Variants in LPAR1 observed in about 807,000 individuals in gnomAD.
The protein encoded by LPAR1 is lysophosphatidic acid receptor 1, also known as LPA receptor 1.
In LPAR1, 5 loss-of-function variants were observed where a neutral mutation model predicts 23.8. That is an observed-to-expected ratio of 0.21 (90% confidence interval 0.11 to 0.44). The LOEUF (loss-of-function observed/expected upper bound fraction) is 0.44. Ranked by LOEUF, LPAR1 falls within the 20% of genes least tolerant of loss-of-function variation. The pLI is 0.99. For missense variants in LPAR1, 311 were observed against 482.8 expected, an observed-to-expected ratio of 0.64 and a Z score of 3.33; for synonymous variants, 160 against 164.7, an observed-to-expected ratio of 0.97 and a Z score of 0.22.
Position 110,875,103 on chromosome 9 carries a change from C to A in LPAR1, c.*318G>T. On this transcript the variant is annotated 3_prime_UTR_variant, in exon 6 of 6. Transcript: ENST00000683809. Reference sequence around the variant, plus strand: ...GAATTTATTCTGACTTGCACCAAACCACACAAAATCTTTTAAAAGTCTAGT... The same window carrying A: ...GAATTTATTCTGACTTGCACCAAACAACACAAAATCTTTTAAAAGTCTAGT... 1 of 204,104 alleles carries A rather than the reference C, an allele frequency of 4.9e-6. No homozygotes were observed. The highest frequency in any genetic ancestry group is 9.7e-6 in the Non-Finnish European group (1 of 102,760). The allele number at this position is 204,104 out of a possible 1,614,324, so 12.6% of individuals were successfully genotyped here.
intron 2 of LPAR1, among the ~76,000 whole-genome samples, chr9:110,981,550 A>T (rs985649661): frequency 6.6e-6 from 1 of 151,790 alleles, no homozygotes; most frequent in African/African-American, 2.4e-5. Context: ...TACATTTTTA[A>T]ATTATAAACA....
At chr9:110,982,672 A>C (rs2096696112) in intron 2 of LPAR1, among the ~76,000 whole-genome samples, 2 of 151,992 alleles carry the variant, frequency 1.3e-5, no homozygotes, top group African/African-American at 4.8e-5. Flanking sequence ...TATGGATATA[A>C]ATCGCAGGAC....
intron 2 of LPAR1, among the ~76,000 whole-genome samples, chr9:110,982,531 C>T (rs1051285466): frequency 6.6e-6 from 1 of 151,680 alleles, no homozygotes; most frequent in Non-Finnish European, 1.5e-5. Context: ...ATGTAAATGA[C>T]GAGTTGATGG....
chr9:111,024,559 C>T (rs1395138698), intron 2 of LPAR1, among the ~76,000 whole-genome samples: 3 of 35,108 alleles, frequency 8.5e-5, no homozygotes, highest in Non-Finnish European at 2.1e-4. Flanking sequence ...TATATACACA[C>T]ACATATATAT....
At chr9:110,948,919 A>C (rs2095480870) in intron 4 of LPAR1, among the ~76,000 whole-genome samples, 1 of 135,630 alleles carries the variant, frequency 7.4e-6, no homozygotes, top group Non-Finnish European at 1.6e-5. Context: ...TCAAGAAAAA[A>C]AAAAAAAAAG....
intron 5 of LPAR1, among the ~76,000 whole-genome samples, chr9:110,914,248 G>A (rs150757458): frequency 2.0e-5 from 3 of 152,292 alleles, no homozygotes; most frequent in African/African-American, 7.2e-5. Context: ...TGCTAATAAA[G>A]ACATACCTGA....
chr9:110,942,083 T>G lies in LPAR1; in HGVS notation c.131A>C (p.Glu44Ala), dbSNP rs1461603368. 3 of 1,614,018 alleles carry G rather than the reference T, an allele frequency of 1.9e-6. No homozygotes were observed. In the African/African-American group the frequency reaches 4.0e-5, roughly 22 times the overall value. ...CACCAGCTTGCTGACTGTGTTCCAT[T>G]CTGTGGCAAGATGCTTTCCACTTCG... ...YNRSGKHLAT[E>A]WNTVSKLVMG... The change falls in exon 5 of 6, where the codon GAA becomes GCA. Residue 44 changes from glutamate (E) to alanine (A), a missense_variant. This residue lies in a region of LPAR1 where 61 missense variants were observed against 55.6 expected (regional missense o/e 1.10). Transcript: ENST00000683809.
chr9:110,941,916 A>T lies in LPAR1; in HGVS notation c.298T>A (p.Leu100Met). The stretch of plus-strand genomic sequence containing the variant: ...TTGAACATGAGATAGAAGTAGGCCA[A>T]CCCAGCAAAGAAGTCTGCAGCAGCC... Reference protein sequence around the residue: ...NLAAADFFAGLAYFYLMFNTG... With the variant: ...NLAAADFFAGMAYFYLMFNTG... Residue 100 changes from leucine (L) to methionine (M), a missense_variant, in exon 5 of 6, where the codon TTG (leucine) becomes ATG (methionine). Coordinates refer to ENST00000683809, the MANE Select transcript of LPAR1 (RefSeq NM_001351411.2). The surrounding 1 kb of genome is among the most constrained non-coding windows in gnomAD (Gnocchi z 6.1). 1 of 1,614,194 alleles carries T rather than the reference A, an allele frequency of 6.2e-7. No individual in the cohort carries two copies. The highest frequency in any genetic ancestry group is 8.5e-7 in the Non-Finnish European group (1 of 1,180,022).
intron 4 of LPAR1, among the ~76,000 whole-genome samples, chr9:110,968,239 G>T (rs1380076421): frequency 6.6e-6 from 1 of 152,116 alleles, no homozygotes; most frequent in Admixed American, 6.6e-5. Context: ...GCCGATTTCT[G>T]CAGTATAACT....
intron 5 of LPAR1, among the ~76,000 whole-genome samples, chr9:110,923,111 G>C (rs1303225746): frequency 6.6e-6 from 1 of 152,000 alleles, no homozygotes; most frequent in Non-Finnish European, 1.5e-5. Context: ...AGCATCATGG[G>C]TCCTGACCCT....
rs749821454 is a variant in LPAR1 at position 110,984,771 on chromosome 9, C to CA, written c.-181-11214dup. 4.6e-3 allele frequency among the ~76,000 whole-genome samples: 422 copies of CA among 92,134 alleles called. 9 individuals carry two copies. In the East Asian group the frequency reaches 0.068, roughly 15 times the overall value. 60.4% of individuals were successfully genotyped at this position (92,134 alleles called of 152,430 possible). A position where few individuals can be genotyped will look rare whatever the true frequency, so the allele number is the denominator to read the frequency against. On this transcript the variant is annotated intron_variant, in intron 2 of 5. Coordinates refer to ENST00000683809, the MANE Select transcript of LPAR1 (RefSeq NM_001351411.2). The stretch of plus-strand genomic sequence containing the variant: ...AGAATACCTGTGATAGTAACGGTGA[C>CA]AAAAAAAAAAGAATGCAGTTTTAAC...
chr9:110,983,502 T>C (rs2096716577), intron 2 of LPAR1, among the ~76,000 whole-genome samples: 1 of 151,914 alleles, frequency 6.6e-6, no homozygotes, highest in African/African-American at 2.4e-5. Flanking sequence ...GGGAGAGGGA[T>C]GAATGAGAAA....
rs577118091 is a variant in LPAR1, at chr9:111,007,901, C to T, written c.-182+28221G>A. Among the ~76,000 whole-genome samples the T allele has an allele frequency of 2.8e-4, 43 of 152,222 alleles. No individual in the cohort carries two copies. The South Asian group carries it at 5.6e-3, about 20-fold the overall frequency. On this transcript the variant is annotated intron_variant, in intron 2 of 5. Coordinates refer to ENST00000683809, the MANE Select transcript of LPAR1 (RefSeq NM_001351411.2). ...TGGTATTAATTTAAGATGCCGAGCG[C>T]GGTGGCTCACACCTGTAATCCCAGC...
At chr9:110,978,184 C>A (rs945710509) in intron 2 of LPAR1, among the ~76,000 whole-genome samples, 7 of 151,886 alleles carry the variant, frequency 4.6e-5, no homozygotes, top group African/African-American at 1.7e-4. Context: ...AGCAGGTAGC[C>A]ATAGAAAGAA....
intron 4 of LPAR1, among the ~76,000 whole-genome samples, chr9:110,965,216 CTT>C (rs1226402701): frequency 2.6e-5 from 4 of 152,006 alleles, no homozygotes; most frequent in Non-Finnish European, 5.9e-5. Flanking sequence ...GGAACAATCT[CTT>C]AACTAAGATA....
chr9:110,939,326 C>T lies in LPAR1; in HGVS notation c.793+2095G>A, dbSNP rs547016961. ...CTTGCTACTTTTCTCAAAAAGGCTA[C>T]GGTCCATTTAATTTCTGTTTCCTAT... On this transcript the variant is annotated intron_variant, in intron 5 of 5. Transcript: ENST00000683809. Among the ~76,000 whole-genome samples, 9 of 152,308 alleles carry T rather than the reference C, an allele frequency of 5.9e-5. No individual in the cohort carries two copies. In the East Asian group the frequency reaches 9.6e-4, roughly 16 times the overall value.
At chr9:110,909,719 A>G (rs2092084602) in intron 5 of LPAR1, among the ~76,000 whole-genome samples, 1 of 150,042 alleles carries the variant, frequency 6.7e-6, no homozygotes, top group Admixed American at 6.7e-5. Context: ...TGCTTCATTT[A>G]TTAAATAAAG....
In LPAR1 at chr9:110,941,964, T is replaced by C. The variant is rs774320269; in HGVS notation, c.250A>G (p.Ile84Val). The stretch of plus-strand genomic sequence containing the variant: ...GCCAGATTAGCCATTAGGTAATAAA[T>C]AGGAAAATGGAAGCGGCGGTTGACA... ...IYVNRRFHFP[I>V]YYLMANLAAA... Residue 84 changes from isoleucine to valine, a missense_variant, in exon 5 of 6, where the codon ATT becomes GTT. This residue lies in a region of LPAR1 where 250 missense variants were observed against 427.2 expected (regional missense o/e 0.59). Coordinates refer to ENST00000683809, the MANE Select transcript of LPAR1 (RefSeq NM_001351411.2). The surrounding 1 kb of genome is among the most constrained non-coding windows in gnomAD (Gnocchi z 6.1). 5 of 1,614,012 alleles carry C rather than the reference T, an allele frequency of 3.1e-6. No homozygotes were observed. Among genetic ancestry groups the C allele is most frequent in the Non-Finnish European group, 4.2e-6 (5 of 1,179,968 alleles).
intron 5 of LPAR1, among the ~76,000 whole-genome samples, chr9:110,936,365 G>A (rs1315255591): frequency 1.3e-5 from 2 of 152,170 alleles, no homozygotes; most frequent in Non-Finnish European, 2.9e-5. Context: ...TCTGACTCCT[G>A]CCACTTTCGT....
Sources: gnomAD v4.1 joint callset for allele counts (sites outside exome capture counted in the v4.1 genomes callset) on GRCh38, gnomAD v4.1.1 for gene constraint, gnomAD v4.1.1 regional missense constraint, Gnocchi (gnomAD v3.1) non-coding constraint, MANE v1.5 for transcripts, NCBI Gene and HGNC (gene_info 2026-07-23, HGNC 2026-07-21) for gene names.